The following ARFGEF3 variants were observed in gnomAD, a reference collection of about 807,000 sequenced individuals.
ARFGEF3 encodes the protein ARFGEF family member 3.
A neutral mutation model predicts 221.7 loss-of-function variants in ARFGEF3; 96 were observed. That is an observed-to-expected ratio of 0.43 (90% CI 0.37 to 0.51). The LOEUF (loss-of-function observed/expected upper bound fraction) is 0.51, where lower values mean the gene tolerates loss of function less well. ARFGEF3 is among the 20% of genes least tolerant of loss of function. The probability of loss-of-function intolerance (pLI) is 0.00; values close to 1 mark genes in which losing one functional copy is unlikely to be tolerated. For missense variants in ARFGEF3, 2,410 were observed against 2,789.9 expected, an observed-to-expected ratio of 0.86 and a Z score of 3.07; for synonymous variants, 1,145 against 1,126.8, an observed-to-expected ratio of 1.02 and a Z score of -0.32.
chr6:138,316,495 T>A (rs1341075980), intron 26 of ARFGEF3, among the ~76,000 whole-genome samples: 2 of 152,190 alleles, frequency 1.3e-5, no homozygotes, highest in Admixed American at 6.5e-5. Flanking sequence ...AACAGACTTA[T>A]CACCTAGCTT....
intron 4 of ARFGEF3, among the ~76,000 whole-genome samples, chr6:138,228,977 A>C (rs1415381314): frequency 6.6e-6 from 1 of 152,262 alleles, no homozygotes; most frequent in Non-Finnish European, 1.5e-5. Flanking sequence ...CAGTTCTTAA[A>C]ATGCCACAGG....
chr6:138,237,583 G>A (rs12055474), intron 5 of ARFGEF3, among the ~76,000 whole-genome samples: 1 of 152,110 alleles, frequency 6.6e-6, no homozygotes, highest in Non-Finnish European at 1.5e-5. Flanking sequence ...AACTAGACAT[G>A]GAGACTGGTA....
At chr6:138,257,961 G>A (rs1778716671) in intron 10 of ARFGEF3, among the ~76,000 whole-genome samples, 2 of 152,210 alleles carry the variant, frequency 1.3e-5, no homozygotes, top group South Asian at 2.1e-4. Context: ...GAAAACACAT[G>A]GAGGCTGAAA....
chr6:138,265,048 C>CAT lies in ARFGEF3; in HGVS notation c.2128+1437_2128+1438insAT, dbSNP rs1472523375. 4.6e-5 allele frequency among the ~76,000 whole-genome samples: 7 copies of CAT among 151,872 alleles called. No individual in the cohort carries two copies. The East Asian group carries it at 7.7e-4, about 17-fold the overall frequency. The stretch of plus-strand genomic sequence containing the variant: ...CCTCCCAAGTAGCTGGGACTACAGG[C>CAT]GCCCACCACCACACCGGGCTAATTT... On this transcript the variant is annotated intron_variant, in intron 12 of 33. Coordinates refer to ENST00000251691, the MANE Select transcript of ARFGEF3 (RefSeq NM_020340.5).
At chr6:138,225,244 T>A (rs1241980209) in intron 4 of ARFGEF3, among the ~76,000 whole-genome samples, 1 of 152,270 alleles carries the variant, frequency 6.6e-6, no homozygotes, top group Non-Finnish European at 1.5e-5. Context: ...AGCCCTAATA[T>A]GTGTGAAACA....
intron 32 of ARFGEF3, among the ~76,000 whole-genome samples, chr6:138,328,668 G>A (rs1780168549): frequency 6.6e-6 from 1 of 151,832 alleles, no homozygotes; most frequent in Admixed American, 6.6e-5. Flanking sequence ...AGGAATTTGG[G>A]GGAACACAGC....
chr6:138,254,182 C>T (rs973394855), intron 9 of ARFGEF3, among the ~76,000 whole-genome samples, 198 bp downstream of exon 9: 5 of 151,958 alleles, frequency 3.3e-5, no homozygotes, highest in South Asian at 4.2e-4. Context: ...TTTGGGAGGC[C>T]GAGGCAGGCA....
At chr6:138,243,716 A>AG (rs200641148) in intron 7 of ARFGEF3, among the ~76,000 whole-genome samples, 18 of 137,044 alleles carry the variant, frequency 1.3e-4, no homozygotes, top group Non-Finnish European at 2.4e-4. Context: ...GGTGAGGAGG[A>AG]GGGAAAAAAA....
At chr6:138,192,016 C>T (rs369522507) in intron 2 of ARFGEF3, among the ~76,000 whole-genome samples, 2 of 152,182 alleles carry the variant, frequency 1.3e-5, no homozygotes, top group Non-Finnish European at 1.5e-5. Flanking sequence ...TAGATACTGT[C>T]GGTGCTACGC....
intron 26 of ARFGEF3, among the ~76,000 whole-genome samples, chr6:138,316,576 G>C (rs146209146): frequency 6.6e-6 from 1 of 152,206 alleles, no homozygotes; most frequent in African/African-American, 2.4e-5. Flanking sequence ...TTCTCCATAG[G>C]TTAAGGCAAA....
At chr6:138,327,059 C>G (rs1196641590) in intron 31 of ARFGEF3, among the ~76,000 whole-genome samples, 1 of 152,110 alleles carries the variant, frequency 6.6e-6, no homozygotes, top group East Asian at 1.9e-4. Context: ...GATGAGAATG[C>G]ATGGACACAT....
At chr6:138,188,313 C>G (rs1164939104) in intron 2 of ARFGEF3, among the ~76,000 whole-genome samples, 2 of 152,146 alleles carry the variant, frequency 1.3e-5, no homozygotes, top group African/African-American at 2.4e-5. Flanking sequence ...GGTTCCCCCC[C>G]TCCGGTAATG....
chr6:138,273,723 C>G (rs1247612376), intron 12 of ARFGEF3, among the ~76,000 whole-genome samples: 2 of 152,112 alleles, frequency 1.3e-5, no homozygotes, highest in Non-Finnish European at 2.9e-5. Flanking sequence ...ACTTTCCTTA[C>G]TGGTAAACAA....
Position 138,307,372 on chromosome 6 carries a change from G to A in ARFGEF3, c.3948G>A (p.Glu1316=). Residue 1316 remains glutamate (E), a synonymous_variant, in exon 23 of 34, where the codon GAG becomes GAA. Transcript: ENST00000251691. The part of the protein sequence containing the change: ...VHGGNKSEMK[E]YLVGDYSMGK... ...GCGGGAACAAGTCAGAGATGAAGGAGTACCTGGTTGGTGACTACTCCATGG... is the reference window on the plus strand; with the variant it reads ...GCGGGAACAAGTCAGAGATGAAGGAATACCTGGTTGGTGACTACTCCATGG... The A allele has an allele frequency of 6.2e-7, 1 of 1,613,844 alleles. No homozygotes were observed. Among genetic ancestry groups the A allele is most frequent in the Non-Finnish European group, 8.5e-7 (1 of 1,179,798 alleles).
chr6:138,255,806 G>C, intron 10 of ARFGEF3, 37 bp downstream of exon 10: 1 of 1,460,770 alleles, frequency 6.8e-7, no homozygotes, highest in Non-Finnish European at 9.1e-7. Flanking sequence ...AGGTTTACAA[G>C]GGGGCCTGAC....
At chr6:138,319,491 T>G (rs1200114397) in intron 27 of ARFGEF3, among the ~76,000 whole-genome samples, 3 of 152,114 alleles carry the variant, frequency 2.0e-5, no homozygotes, top group Non-Finnish European at 4.4e-5. Context: ...TAGGAGTATA[T>G]TCACATATTG....
chr6:138,286,570 A>T (rs1779298881), intron 15 of ARFGEF3, 131 bp from the exon 16 acceptor site: 3 of 700,478 alleles, frequency 4.3e-6, no homozygotes, highest in Non-Finnish European at 7.6e-6. Flanking sequence ...CATATAATCC[A>T]TTGTTATATT....
chr6:138,250,918 CTACTTACTTGTTTG>C (rs1562367632), intron 8 of ARFGEF3, among the ~76,000 whole-genome samples: 2 of 152,198 alleles, frequency 1.3e-5, no homozygotes, highest in African/African-American at 4.8e-5. Context: ...CTTGTGCATT[CTACTTACTTGTTTG>C]TACAAGGACA....
intron 8 of ARFGEF3, among the ~76,000 whole-genome samples, chr6:138,253,203 G>A (rs1778610049): frequency 6.6e-6 from 1 of 152,004 alleles, no homozygotes. Flanking sequence ...ATTAATTGTG[G>A]CAAGTGTACT....
Sources: allele counts gnomAD v4.1 joint callset (sites outside exome capture counted in the v4.1 genomes callset), GRCh38; gene constraint gnomAD v4.1.1; transcripts MANE v1.5; gene names NCBI Gene and HGNC (gene_info 2026-07-23, HGNC 2026-07-21).